Variants in ARHGAP15 observed in about 807,000 individuals in gnomAD.
ARHGAP15 encodes the protein rho GTPase-activating protein 15.
Under a neutral mutation model 63.7 loss-of-function variants are expected in ARHGAP15, and 51 were observed. The observed-to-expected ratio is 0.80, with a 90% CI of 0.64 to 1.01. The LOEUF (loss-of-function observed/expected upper bound fraction) is 1.01, where lower values mean the gene tolerates loss of function less well. Ranked by LOEUF, ARHGAP15 falls within the 50% of genes least tolerant of loss-of-function variation. ARHGAP15 has a pLI of 0.00. For missense variants in ARHGAP15, 560 were observed against 564.6 expected, an observed-to-expected ratio of 0.99 and a Z score of 0.08; for synonymous variants, 191 against 193.8, an observed-to-expected ratio of 0.99 and a Z score of 0.12.
In ARHGAP15 at chr2:143,662,861, G is replaced by A. The variant is rs1167337697; in HGVS notation, c.1138+38594G>A. On this transcript the variant is annotated intron_variant, in intron 12 of 13. Transcript: ENST00000295095. ...GAAATGAAGCAAGAAGGGAAGTTTA[G>A]AGAAAAAAGAATAAAAAGAAATGAG... Among the ~76,000 whole-genome samples the A allele has an allele frequency of 9.3e-5, 13 of 139,294 alleles. 1 individual carries two copies. The highest frequency in any genetic ancestry group is 3.3e-4 in the African/African-American group (12 of 36,512). The allele number at this position is 139,294 out of a possible 152,430, so 91.4% of individuals were successfully genotyped here. A position where few individuals can be genotyped will look rare whatever the true frequency, so the allele number is the denominator to read the frequency against.
intron 5 of ARHGAP15, among the ~76,000 whole-genome samples, chr2:143,241,839 A>G (rs989796627): frequency 6.6e-6 from 1 of 152,192 alleles, no homozygotes; most frequent in Admixed American, 6.5e-5. Flanking sequence ...TGAAGTGAAA[A>G]GGAAGTCAGG....
chr2:143,510,997 G>A (rs957239112), intron 9 of ARHGAP15, among the ~76,000 whole-genome samples: 1 of 152,168 alleles, frequency 6.6e-6, no homozygotes, highest in African/African-American at 2.4e-5. Context: ...TCATAGTTTT[G>A]ATTCATTTGG....
At chr2:143,478,080 CCTT>C (rs1471983877) in intron 8 of ARHGAP15, among the ~76,000 whole-genome samples, 1 of 152,190 alleles carries the variant, frequency 6.6e-6, no homozygotes, top group Non-Finnish European at 1.5e-5. Context: ...CTACATCTCT[CCTT>C]CTGTGTTCAT....
chr2:143,680,241 G>A (rs537442470), intron 12 of ARHGAP15, among the ~76,000 whole-genome samples: 1 of 152,232 alleles, frequency 6.6e-6, no homozygotes, highest in South Asian at 2.1e-4. Flanking sequence ...TTGAAAAATT[G>A]TTCTGCATTT....
At chr2:143,641,741 G>T (rs989542218) in intron 12 of ARHGAP15, among the ~76,000 whole-genome samples, 3 of 152,068 alleles carry the variant, frequency 2.0e-5, no homozygotes, top group Non-Finnish European at 4.4e-5. Flanking sequence ...GATGAGACAA[G>T]GCCTGTTACT....
At chr2:143,542,244 G>A (rs1203602392) in intron 10 of ARHGAP15, among the ~76,000 whole-genome samples, 1 of 152,148 alleles carries the variant, frequency 6.6e-6, no homozygotes, top group Non-Finnish European at 1.5e-5. Context: ...TATCGGGGTG[G>A]GAGTGACCCG....
chr2:143,615,011 A>C (rs1403817363), intron 11 of ARHGAP15, among the ~76,000 whole-genome samples: 2 of 152,226 alleles, frequency 1.3e-5, no homozygotes, highest in African/African-American at 4.8e-5. Context: ...TTATGCAAGT[A>C]GTTGTAAAAT....
chr2:143,585,070 G>A (rs569513155), intron 11 of ARHGAP15, among the ~76,000 whole-genome samples: 1 of 152,240 alleles, frequency 6.6e-6, no homozygotes, highest in African/African-American at 2.4e-5. Flanking sequence ...GGTTTAAAAT[G>A]TTCTTTCTAA....
chr2:143,247,640 T>A (rs1161021076), intron 5 of ARHGAP15, among the ~76,000 whole-genome samples: 1 of 152,224 alleles, frequency 6.6e-6, no homozygotes, highest in African/African-American at 2.4e-5. Context: ...TACAGAAATC[T>A]AAAGCTAATA....
chr2:143,557,118 T>C (rs1414568689), intron 11 of ARHGAP15, among the ~76,000 whole-genome samples: 1 of 152,104 alleles, frequency 6.6e-6, no homozygotes, highest in Non-Finnish European at 1.5e-5. Flanking sequence ...GTATTTTTAT[T>C]GTATGATCCA....
chr2:143,174,136 C>T (rs541958720), intron 2 of ARHGAP15, among the ~76,000 whole-genome samples: 1 of 152,214 alleles, frequency 6.6e-6, no homozygotes, highest in Non-Finnish European at 1.5e-5. Context: ...TTTGTACTCT[C>T]CGTTTGTACC....
intron 6 of ARHGAP15, among the ~76,000 whole-genome samples, chr2:143,358,428 A>G (rs2105329802): frequency 6.6e-6 from 1 of 152,252 alleles, no homozygotes; most frequent in East Asian, 1.9e-4. Flanking sequence ...AAAATCTTCA[A>G]AAATCACCAA....
chr2:143,468,954 G>T (rs1691383704), intron 8 of ARHGAP15, among the ~76,000 whole-genome samples: 1 of 152,112 alleles, frequency 6.6e-6, no homozygotes, highest in Non-Finnish European at 1.5e-5. Flanking sequence ...TTTGGAGAAT[G>T]CACTGTAACC....
intron 1 of ARHGAP15, 101 bp from the exon 2 acceptor site, chr2:143,155,376 T>A: frequency 2.6e-6 from 3 of 1,139,138 alleles, no homozygotes; most frequent in Non-Finnish European, 3.6e-6. Context: ...CTCTTGTTTA[T>A]CAACTTTTAA....
intron 11 of ARHGAP15, among the ~76,000 whole-genome samples, chr2:143,590,175 A>T (rs1042828346): frequency 6.6e-6 from 1 of 152,132 alleles, no homozygotes; most frequent in Admixed American, 6.6e-5. Context: ...AGAAAACACC[A>T]TCTTTTAAAT....
intron 8 of ARHGAP15, among the ~76,000 whole-genome samples, chr2:143,441,129 C>A (rs1056733908): frequency 6.6e-6 from 1 of 152,014 alleles, no homozygotes; most frequent in African/African-American, 2.4e-5. Flanking sequence ...TGTCCCCAAG[C>A]AGATAGCACT....
At position 143,330,368 on chromosome 2, in the gene ARHGAP15, T is replaced by A. The variant is rs529947530; in HGVS notation, c.474+79768T>A. 6.6e-5 allele frequency among the ~76,000 whole-genome samples: 10 copies of A among 152,090 alleles called. No homozygotes were observed. The South Asian group carries it at 2.1e-3, about 32-fold the overall frequency. On this transcript the variant is annotated intron_variant, in intron 6 of 13. Transcript: ENST00000295095. ...AACATTTTCCCATCAAATTTTAATATACAAAACAAACTTGCATAATAGAAA... is the reference window on the plus strand; with the variant it reads ...AACATTTTCCCATCAAATTTTAATAAACAAAACAAACTTGCATAATAGAAA...
At chr2:143,437,752 G>A (rs1689677006) in intron 8 of ARHGAP15, among the ~76,000 whole-genome samples, 2 of 152,138 alleles carry the variant, frequency 1.3e-5, no homozygotes. Flanking sequence ...CTGGCTGGGC[G>A]AGGTAGCTCA....
chr2:143,692,797 C>T (rs1210631633), intron 12 of ARHGAP15, among the ~76,000 whole-genome samples: 1 of 152,174 alleles, frequency 6.6e-6, no homozygotes, highest in Non-Finnish European at 1.5e-5. Context: ...TCACAAGTCT[C>T]TGCAACAGAA....
Sources: allele counts gnomAD v4.1 joint callset (sites outside exome capture counted in the v4.1 genomes callset), GRCh38; gene constraint gnomAD v4.1.1; transcripts MANE v1.5; gene names NCBI Gene and HGNC (gene_info 2026-07-23, HGNC 2026-07-21).